The following SEMA3E variants were observed in gnomAD, a reference collection of about 807,000 sequenced individuals.
SEMA3E encodes semaphorin 3E, also known as semaphorin-3E.
In SEMA3E, 49 loss-of-function variants were observed where a neutral mutation model predicts 93.6. That is an observed-to-expected ratio of 0.52 (90% CI 0.42 to 0.66). SEMA3E has a LOEUF of 0.66. Among genes scored for constraint, SEMA3E ranks in the 30% least tolerant of loss-of-function variants. The pLI is 0.00. For synonymous variants in SEMA3E, 363 were observed against 330.7 expected (o/e 1.10, Z -1.06); for missense variants, 906 against 964.8 (o/e 0.94, Z 0.81).
intron 1 of SEMA3E, among the ~76,000 whole-genome samples, chr7:83,637,147 C>T (rs1316421943): frequency 6.6e-6 from 1 of 151,668 alleles, no homozygotes; most frequent in Non-Finnish European, 1.5e-5. Context: ...ACCTAGCTTC[C>T]CTTGTTTACA....
intron 1 of SEMA3E, among the ~76,000 whole-genome samples, chr7:83,515,679 G>A (rs977194938): frequency 4.6e-5 from 7 of 152,284 alleles, no homozygotes; most frequent in Admixed American, 4.6e-4. Context: ...TCCCTAGACT[G>A]TAAAAAATTG....
chr7:83,385,215 G>A (rs1415734616), intron 16 of SEMA3E, 79 bp downstream of exon 16: 4 of 1,503,860 alleles, frequency 2.7e-6, no homozygotes, highest in African/African-American at 2.8e-5. Flanking sequence ...TCATTTTTCA[G>A]CATCCAAATA....
In SEMA3E at chr7:83,367,544, C is replaced by T. The variant is rs1221913843; in HGVS notation, c.*42G>A. 6.3e-7 allele frequency: 1 copy of T among 1,595,600 alleles called. No individual in the cohort carries two copies. Among genetic ancestry groups the T allele is most frequent in the African/African-American group, 1.3e-5 (1 of 74,320 alleles). ...TTTATTTTTTTACTTTTTTACTTTC[C>T]AAATATAAATTCTTCAAAAGACAGT... On this transcript the variant is annotated 3_prime_UTR_variant, in exon 17 of 17. Coordinates refer to ENST00000643230, the MANE Select transcript of SEMA3E (RefSeq NM_012431.3).
At chr7:83,472,757 T>C (rs1190784826) in intron 2 of SEMA3E, among the ~76,000 whole-genome samples, 4 of 152,200 alleles carry the variant, frequency 2.6e-5, no homozygotes, top group African/African-American at 4.8e-5. Flanking sequence ...TCATCTTGAA[T>C]TGTAATTCCC....
At chr7:83,605,720 C>T (rs1793102729) in intron 1 of SEMA3E, among the ~76,000 whole-genome samples, 1 of 152,146 alleles carries the variant, frequency 6.6e-6, no homozygotes, top group African/African-American at 2.4e-5. Context: ...ACGTGAGCCA[C>T]TGTGCCTGGC....
At chr7:83,408,342 T>C in intron 6 of SEMA3E, 26 bp downstream of exon 6, 4 of 1,613,450 alleles carry the variant, frequency 2.5e-6, no homozygotes, top group Non-Finnish European at 3.4e-6. Flanking sequence ...CAATCCTAAT[T>C]CACATACTCT....
chr7:83,446,148 C>T (rs917244569), intron 4 of SEMA3E, among the ~76,000 whole-genome samples: 2 of 152,150 alleles, frequency 1.3e-5, no homozygotes, highest in African/African-American at 4.8e-5. Context: ...GTGTAGCAGA[C>T]TTTGGATTTG....
At chr7:83,640,738 C>A (rs1234932489) in intron 1 of SEMA3E, among the ~76,000 whole-genome samples, 2 of 152,004 alleles carry the variant, frequency 1.3e-5, no homozygotes, top group Non-Finnish European at 2.9e-5. Context: ...TTTTCTTTCC[C>A]CTTTTGGCTT....
chr7:83,575,909 C>A (rs1213581049), intron 1 of SEMA3E, among the ~76,000 whole-genome samples: 1 of 151,930 alleles, frequency 6.6e-6, no homozygotes, highest in Non-Finnish European at 1.5e-5. Flanking sequence ...ATTTAAAACA[C>A]AGTAAAGGTT....
intron 14 of SEMA3E, among the ~76,000 whole-genome samples, chr7:83,389,216 T>C (rs1787943396): frequency 6.6e-6 from 1 of 152,112 alleles, no homozygotes; most frequent in African/African-American, 2.4e-5. Flanking sequence ...ATACAACCAA[T>C]AGCAGATCAA....
chr7:83,408,366 A>G lies in SEMA3E; in HGVS notation c.670+2T>C, dbSNP rs1399073761. On this transcript the variant is annotated splice_donor_variant, in intron 6 of 16. Coordinates refer to ENST00000643230, the MANE Select transcript of SEMA3E (RefSeq NM_012431.3). LOFTEE classifies it high-confidence loss of function. ...TTCACATACTCTTTTCCTCATCCTT[A>G]CCTTTCAACAGACGCTCATCGTCAT... 1 of 1,613,554 alleles carries G rather than the reference A, an allele frequency of 6.2e-7. No individual in the cohort carries two copies.
At chr7:83,424,269 G>T (rs767242380) in intron 4 of SEMA3E, among the ~76,000 whole-genome samples, 1 of 152,122 alleles carries the variant, frequency 6.6e-6, no homozygotes, top group African/African-American at 2.4e-5. Flanking sequence ...ACAAAATAAT[G>T]AAGAGGTGCT....
intron 15 of SEMA3E, among the ~76,000 whole-genome samples, chr7:83,385,997 C>G (rs1787871964): frequency 6.6e-6 from 1 of 152,112 alleles, no homozygotes; most frequent in South Asian, 2.1e-4. Flanking sequence ...TGGACTTGAA[C>G]TCAAATTTGC....
intron 1 of SEMA3E, among the ~76,000 whole-genome samples, chr7:83,566,621 T>C (rs1792164893): frequency 6.6e-6 from 1 of 152,210 alleles, no homozygotes; most frequent in African/African-American, 2.4e-5. Context: ...TCCTAGTCTA[T>C]GTTGTTGGTG....
chr7:83,434,427 C>A (rs1376797793), intron 4 of SEMA3E, among the ~76,000 whole-genome samples: 1 of 152,160 alleles, frequency 6.6e-6, no homozygotes. Flanking sequence ...TATGCAATCT[C>A]AAAGCAAACT....
chr7:83,641,493 G>T, intron 1 of SEMA3E: 1 of 485,148 alleles, frequency 2.1e-6, no homozygotes, highest in Non-Finnish European at 2.7e-6. Flanking sequence ...ACAAAGCTGG[G>T]CCTACAATTA....
chr7:83,606,122 T>G (rs1793112299), intron 1 of SEMA3E, among the ~76,000 whole-genome samples: 1 of 152,334 alleles, frequency 6.6e-6, no homozygotes, highest in Non-Finnish European at 1.5e-5. Context: ...ATCCTGCTGG[T>G]AACTGTACTT....
chr7:83,471,129 G>C (rs2115898603), intron 2 of SEMA3E, among the ~76,000 whole-genome samples: 1 of 151,986 alleles, frequency 6.6e-6, no homozygotes, highest in African/African-American at 2.4e-5. Flanking sequence ...ATTAGCATAA[G>C]ATGCTATTTG....
At chr7:83,642,559 A>G (rs1435361446) in intron 1 of SEMA3E, among the ~76,000 whole-genome samples, 1 of 152,156 alleles carries the variant, frequency 6.6e-6, no homozygotes, top group Non-Finnish European at 1.5e-5. Context: ...TATCATTCCT[A>G]TCATGAGTGC....
Sources: gnomAD v4.1 joint callset for allele counts (sites outside exome capture counted in the v4.1 genomes callset) on GRCh38, gnomAD v4.1.1 for gene constraint, MANE v1.5 for transcripts, NCBI Gene and HGNC (gene_info 2026-07-23, HGNC 2026-07-21) for gene names.